The following ANGPT2 variants were observed in gnomAD, a reference collection of about 807,000 sequenced individuals.
ANGPT2 encodes angiopoietin 2.
In ANGPT2, 28 loss-of-function variants were observed where a neutral mutation model predicts 62.9. That is an observed-to-expected ratio of 0.44 (90% CI 0.33 to 0.61). The LOEUF is 0.61. ANGPT2 is among the 20% of genes least tolerant of loss of function. The pLI, the probability that ANGPT2 is intolerant of heterozygous loss-of-function variation, is 0.03. For synonymous variants in ANGPT2, 284 were observed against 207.8 expected, an observed-to-expected ratio of 1.37 and a Z score of -3.15; for missense variants, 727 against 594.9, an observed-to-expected ratio of 1.22 and a Z score of -2.31.
intron 1 of ANGPT2, among the ~76,000 whole-genome samples, chr8:6,533,859 T>C (rs976310963): frequency 6.6e-6 from 1 of 152,212 alleles, no homozygotes; most frequent in Non-Finnish European, 1.5e-5. Flanking sequence ...CTTTCTGTCT[T>C]TAAGAGTAGG....
chr8:6,520,308 T>C (rs998376814), intron 4 of ANGPT2, among the ~76,000 whole-genome samples: 5 of 152,226 alleles, frequency 3.3e-5, no homozygotes, highest in African/African-American at 1.2e-4. Context: ...ATTATTACTT[T>C]TGAAGATCTT....
chr8:6,549,366 C>G (rs990571930), intron 1 of ANGPT2, among the ~76,000 whole-genome samples: 1 of 152,216 alleles, frequency 6.6e-6, no homozygotes, highest in Non-Finnish European at 1.5e-5. Context: ...ACTGATTGTT[C>G]CAATTACATG....
At chr8:6,509,114 G>T (rs369793463) in intron 7 of ANGPT2, 52 bp from the exon 8 acceptor site, 4 of 1,581,180 alleles carry the variant, frequency 2.5e-6, no homozygotes, top group Non-Finnish European at 3.4e-6. Flanking sequence ...TTGATTTACC[G>T]TAGTGGCAAA....
Position 6,500,959 on chromosome 8 carries a change from C to T in ANGPT2, c.*2142G>A, listed in dbSNP as rs1417911132. On this transcript the variant is annotated 3_prime_UTR_variant, in exon 9 of 9. Coordinates refer to ENST00000629816, the MANE Select transcript of ANGPT2 (RefSeq NM_001118887.2). ...TTTCCCTACCTAAGTATCCATCACT[C>T]TTGTCATTGAGATATCCTAGAAACT... is the stretch of plus-strand genomic sequence containing the variant. 1.3e-5 allele frequency: 2 copies of T among 152,214 alleles called. No homozygotes were observed. The highest frequency in any genetic ancestry group is 4.1e-4 in the South Asian group (2 of 4,830). The allele number at this position is 152,214 out of a possible 1,614,324, so 9.4% of individuals were successfully genotyped here. A position where few individuals can be genotyped will look rare whatever the true frequency, so the allele number is the denominator to read the frequency against.
At chr8:6,540,240 CTT>C (rs1337286997) in intron 1 of ANGPT2, among the ~76,000 whole-genome samples, 2 of 152,274 alleles carry the variant, frequency 1.3e-5, no homozygotes, top group East Asian at 1.9e-4. Flanking sequence ...CATTTTACCT[CTT>C]TGTGTGTTTC....
In ANGPT2 at chr8:6,499,797, T is replaced by C. The variant is rs1811797450; in HGVS notation, c.*3304A>G. Reference sequence around the variant, plus strand: ...TGTCTTCAAAGTGATTCTTGGTTTATTGCCTGCTAAGGCTAATAAATGTAT... The same window carrying C: ...TGTCTTCAAAGTGATTCTTGGTTTACTGCCTGCTAAGGCTAATAAATGTAT... On this transcript the variant is annotated 3_prime_UTR_variant, in exon 9 of 9. Coordinates refer to ENST00000629816, the MANE Select transcript of ANGPT2 (RefSeq NM_001118887.2). 5.9e-6 allele frequency: 9 copies of C among 1,512,920 alleles called. No homozygotes were observed. Among genetic ancestry groups the C allele is most frequent in the South Asian group, 1.1e-5 (1 of 88,998 alleles). The allele number at this position is 1,512,920 out of a possible 1,614,324, so 93.7% of individuals were successfully genotyped here.
rs895119052 is a variant in ANGPT2 at position 6,535,229 on chromosome 8, C to A, written c.289-2742G>T. On this transcript the variant is annotated intron_variant, in intron 1 of 8. Coordinates refer to ENST00000629816, the MANE Select transcript of ANGPT2 (RefSeq NM_001118887.2). ...GGGAAAATGAATCCTCTAATACTGC[C>A]TTCCCCCATTTCTAGAGCTACTGAG... Among the ~76,000 whole-genome samples the A allele has an allele frequency of 2.0e-5, 3 of 152,308 alleles. No individual in the cohort carries two copies. In the East Asian group the frequency reaches 5.8e-4, roughly 29 times the overall value.
intron 7 of ANGPT2, among the ~76,000 whole-genome samples, chr8:6,512,523 C>A (rs1157298537): frequency 4.6e-5 from 7 of 152,194 alleles, no homozygotes; most frequent in Admixed American, 1.3e-4. Context: ...TCACGAGGCG[C>A]CACCAGTCTG....
intron 2 of ANGPT2, among the ~76,000 whole-genome samples, chr8:6,530,994 C>G (rs1209089868): frequency 6.8e-6 from 1 of 146,300 alleles, no homozygotes; most frequent in Non-Finnish European, 1.5e-5. Context: ...TCACTTAAAT[C>G]TGCTCTTTTT....
intron 8 of ANGPT2, among the ~76,000 whole-genome samples, chr8:6,506,389 C>T (rs941414458): frequency 1.3e-5 from 2 of 152,114 alleles, no homozygotes; most frequent in Admixed American, 1.3e-4. Flanking sequence ...TCCCCAGTCT[C>T]TTTTCCAATT....
intron 5 of ANGPT2, among the ~76,000 whole-genome samples, chr8:6,515,328 A>T (rs1816044611): frequency 6.6e-6 from 1 of 152,072 alleles, no homozygotes; most frequent in South Asian, 2.1e-4. Flanking sequence ...GTGCAATACT[A>T]ATCAGATTTT....
At chr8:6,533,006 C>A (rs1819814202) in intron 1 of ANGPT2, among the ~76,000 whole-genome samples, 1 of 152,224 alleles carries the variant, frequency 6.6e-6, no homozygotes, top group Non-Finnish European at 1.5e-5. Flanking sequence ...TTCCTTTTAA[C>A]CTACGGAATC....
intron 1 of ANGPT2, among the ~76,000 whole-genome samples, chr8:6,546,643 G>C (rs1323919951): frequency 6.6e-6 from 1 of 152,124 alleles, no homozygotes; most frequent in Non-Finnish European, 1.5e-5. Context: ...CTTAATACAA[G>C]CAACTGTTGG....
intron 1 of ANGPT2, among the ~76,000 whole-genome samples, chr8:6,540,043 C>G (rs1393222004): frequency 6.6e-6 from 1 of 152,168 alleles, no homozygotes; most frequent in Non-Finnish European, 1.5e-5. Flanking sequence ...TGGTGGCATT[C>G]TAACATTAAT....
intron 7 of ANGPT2, among the ~76,000 whole-genome samples, chr8:6,509,310 C>G (rs1418593596): frequency 6.6e-6 from 1 of 152,196 alleles, no homozygotes; most frequent in Non-Finnish European, 1.5e-5. Flanking sequence ...CTATCAGAAG[C>G]GACTGTAGAG....
At chr8:6,543,295 G>A (rs532825417) in intron 1 of ANGPT2, among the ~76,000 whole-genome samples, 3 of 152,304 alleles carry the variant, frequency 2.0e-5, no homozygotes, top group East Asian at 1.9e-4. Context: ...CTACTGACCC[G>A]CCGTCCGCAA....
At chr8:6,526,998 A>G (rs1370932099) in intron 3 of ANGPT2, among the ~76,000 whole-genome samples, 2 of 152,244 alleles carry the variant, frequency 1.3e-5, no homozygotes, top group African/African-American at 4.8e-5. Context: ...ACATTGGATC[A>G]TAAAATGTGC....
chr8:6,549,280 A>G (rs1006991274), intron 1 of ANGPT2, among the ~76,000 whole-genome samples: 2 of 152,270 alleles, frequency 1.3e-5, no homozygotes, highest in Non-Finnish European at 2.9e-5. Context: ...ACGGTGATGG[A>G]AAAGAAGAAA....
At chr8:6,525,500 G>C (rs563643861) in intron 3 of ANGPT2, among the ~76,000 whole-genome samples, 6 of 152,278 alleles carry the variant, frequency 3.9e-5, no homozygotes, top group Admixed American at 2.6e-4. Flanking sequence ...AAAGTGCTGG[G>C]ATTATAGGCA....
Sources: allele counts gnomAD v4.1 joint callset (sites outside exome capture counted in the v4.1 genomes callset), GRCh38; gene constraint gnomAD v4.1.1; transcripts MANE v1.5; gene names NCBI Gene and HGNC (gene_info 2026-07-23, HGNC 2026-07-21).